SPPL2C: variants seen among roughly 807,000 people sequenced by gnomAD.
The protein encoded by SPPL2C is signal peptide peptidase like 2C.
A neutral mutation model predicts 38.8 loss-of-function variants in SPPL2C; 33 were observed. That is an observed-to-expected ratio of 0.85 (90% CI 0.64 to 1.14). The LOEUF is 1.14. Ranked by LOEUF, SPPL2C falls within the 50% of genes most tolerant of loss-of-function variation. The pLI is 0.00. For synonymous variants in SPPL2C, 384 were observed against 390.7 expected (o/e 0.98, Z 0.20); for missense variants, 899 against 904.4 (o/e 0.99, Z 0.08).
Position 45,846,129 on chromosome 17 carries a change from C to A in SPPL2C, c.1223C>A (p.Ala408Asp). 6.2e-7 allele frequency: 1 copy of A among 1,614,190 alleles called. No homozygotes were observed. The highest frequency in any genetic ancestry group is 8.5e-7 in the Non-Finnish European group (1 of 1,180,038). ...KTGESIMAQV[A>D]LGPAESSSHE... ...GGTGAGAGCATCATGGCGCAGGTTG[C>A]CTTGGGCCCTGCAGAGTCTTCAAGC... Residue 408 changes from alanine (A) to aspartate (D), a missense_variant, in exon 1 of 1, where the codon GCC becomes GAC. Physicochemically the swap from Ala to Asp is moderately radical, Grantham distance 126. Transcript: ENST00000329196.
In SPPL2C at chr17:45,846,705, G is replaced by A. The variant is rs748111980; in HGVS notation, c.1799G>A (p.Ser600Asn). 6 of 1,614,236 alleles carry A rather than the reference G, an allele frequency of 3.7e-6. No individual in the cohort carries two copies. The East Asian group carries it at 1.3e-4, about 36-fold the overall frequency. ...EATNPEDRSD[S>N]SEGWSDAHLD... ...ACCAATCCAGAGGACCGCAGTGATAGCTCCGAGGGCTGGAGTGACGCCCAC... is the reference window on the plus strand; with the variant it reads ...ACCAATCCAGAGGACCGCAGTGATAACTCCGAGGGCTGGAGTGACGCCCAC... Residue 600 changes from serine (S) to asparagine (N), a missense_variant, in exon 1 of 1, where the codon AGC becomes AAC. Transcript: ENST00000329196.
chr17:45,845,992 C>T lies in SPPL2C; in HGVS notation c.1086C>T (p.Phe362=), dbSNP rs781558369. 4.2e-5 allele frequency: 67 copies of T among 1,613,112 alleles called. 1 individual carries two copies. In the Middle Eastern group the frequency reaches 4.9e-4, roughly 12 times the overall value. Residue 362 remains phenylalanine, a synonymous_variant, in exon 1 of 1, where the codon TTC becomes TTT. Transcript: ENST00000329196. ...CACTGGGCATTTCCTACTGCCTGTTCGTCCTGCACCGTGTGCGGCTGCCCA... is the reference window on the plus strand; with the variant it reads ...CACTGGGCATTTCCTACTGCCTGTTTGTCCTGCACCGTGTGCGGCTGCCCA... ...QDTLGISYCL[F]VLHRVRLPTL...
chr17:45,845,548 G>C lies in SPPL2C; in HGVS notation c.642G>C (p.Gln214His). 1 of 1,600,962 alleles carries C rather than the reference G, an allele frequency of 6.2e-7. No homozygotes were observed. The highest frequency in any genetic ancestry group is 2.2e-5 in the East Asian group (1 of 44,718). Reference sequence around the variant, plus strand: ...GCCTGACCGAAGCCAACCGGCTACAGCGGCGCCGTGCCCGAAGAGGAGGGG... The same window carrying C: ...GCCTGACCGAAGCCAACCGGCTACACCGGCGCCGTGCCCGAAGAGGAGGGG... The part of the protein sequence containing the change: ...WAGLTEANRL[Q>H]RRRARRGGGS... Residue 214 changes from glutamine (Q) to histidine (H), a missense_variant, in exon 1 of 1, where the codon CAG (glutamine) becomes CAC (histidine). Coordinates refer to ENST00000329196, the MANE Select transcript of SPPL2C (RefSeq NM_175882.3).
In SPPL2C at chr17:45,845,541, G is replaced by T; in HGVS notation, c.635G>T (p.Arg212Leu). Residue 212 changes from arginine (R) to leucine (L), a missense_variant, in exon 1 of 1, where the codon CGG (arginine) becomes CTG (leucine). Transcript: ENST00000329196. Reference protein sequence around the residue: ...GYWAGLTEANRLQRRRARRGG... With the variant: ...GYWAGLTEANLLQRRRARRGG... Reference sequence around the variant, plus strand: ...TGGGCCGGCCTGACCGAAGCCAACCGGCTACAGCGGCGCCGTGCCCGAAGA... The same window carrying T: ...TGGGCCGGCCTGACCGAAGCCAACCTGCTACAGCGGCGCCGTGCCCGAAGA... The T allele has an allele frequency of 6.2e-7, 1 of 1,600,088 alleles. No individual in the cohort carries two copies. Among genetic ancestry groups the T allele is most frequent in the Non-Finnish European group, 8.5e-7 (1 of 1,174,324 alleles).
In SPPL2C at chr17:45,847,030, C is replaced by A; in HGVS notation, c.*69C>A. The A allele has an allele frequency of 1.4e-6, 2 of 1,450,014 alleles. No individual in the cohort carries two copies. Among genetic ancestry groups the A allele is most frequent in the Non-Finnish European group, 1.8e-6 (2 of 1,087,368 alleles). 89.8% of individuals were successfully genotyped at this position (1,450,014 alleles called of 1,614,324 possible). A position where few individuals can be genotyped will look rare whatever the true frequency, so the allele number is the denominator to read the frequency against. ...CATTGCAGAGCAAAGCCATGCATGG[C>A]AACAAGAAATCAGGGTATCAAAGAG... On this transcript the variant is annotated 3_prime_UTR_variant, in exon 1 of 1. Transcript: ENST00000329196.
Position 45,846,604 on chromosome 17 carries a change from C to A in SPPL2C, c.1698C>A (p.Ser566Arg). Residue 566 changes from serine to arginine, a missense_variant, in exon 1 of 1, where the codon AGC becomes AGA. By Grantham distance (110) the Ser-to-Arg change is moderately radical. Transcript: ENST00000329196. ...CCAGCACACTTGAGAGAGGCACCAG[C>A]CGAGGAGCAGGGGACTTAGACAGCA... is the stretch of plus-strand genomic sequence containing the variant. ...HTASTLERGT[S>R]RGAGDLDSNP... 1 of 1,614,102 alleles carries A rather than the reference C, an allele frequency of 6.2e-7. No homozygotes were observed. The highest frequency in any genetic ancestry group is 1.1e-5 in the South Asian group (1 of 91,090).
rs2062528419 is a variant in SPPL2C at position 45,845,390 on chromosome 17, C to T, written c.484C>T (p.Leu162Phe). Residue 162 changes from leucine to phenylalanine, a missense_variant, in exon 1 of 1, where the codon CTC (leucine) becomes TTC (phenylalanine). Leu to Phe is a conservative substitution (Grantham distance 22). Coordinates refer to ENST00000329196, the MANE Select transcript of SPPL2C (RefSeq NM_175882.3). ...CCACTATGCTGACATGCTGGACATC[C>T]TCAGCCACACTCGTGGGGAGGCCGT... ...MLHYADMLDI[L>F]SHTRGEAVVR... The T allele has an allele frequency of 1.2e-6, 2 of 1,613,530 alleles. No homozygotes were observed. The highest frequency in any genetic ancestry group is 2.2e-5 in the South Asian group (2 of 91,092).
Position 45,846,682 on chromosome 17 carries a change from C to T in SPPL2C, c.1776C>T (p.Thr592=). The T allele has an allele frequency of 6.2e-7, 1 of 1,614,232 alleles. No individual in the cohort carries two copies. ...EIVTISENEA[T]NPEDRSDSSE... is the part of the protein sequence containing the mutation. ...TCACCATATCTGAGAATGAAGCCAC[C>T]AATCCAGAGGACCGCAGTGATAGCT... Residue 592 remains threonine (T), a synonymous_variant, in exon 1 of 1, where the codon ACC becomes ACT. Transcript: ENST00000329196.
rs781558369 is a variant in SPPL2C, at chr17:45,845,992, C to G, written c.1086C>G (p.Phe362Leu). ...QDTLGISYCL[F>L]VLHRVRLPTL... ...CACTGGGCATTTCCTACTGCCTGTT[C>G]GTCCTGCACCGTGTGCGGCTGCCCA... The change falls in exon 1 of 1, where the codon TTC becomes TTG. Residue 362 changes from phenylalanine (F) to leucine (L), a missense_variant. By Grantham distance (22) the Phe-to-Leu change is conservative (BLOSUM62 0). Coordinates refer to ENST00000329196, the MANE Select transcript of SPPL2C (RefSeq NM_175882.3). 1.9e-6 allele frequency: 3 copies of G among 1,613,230 alleles called. No homozygotes were observed. The highest frequency in any genetic ancestry group is 2.2e-5 in the East Asian group (1 of 44,884).
rs185853204 is a variant in SPPL2C at position 45,845,509 on chromosome 17, C to T, written c.603C>T (p.Gly201=). 1.2e-3 allele frequency: 1,991 copies of T among 1,603,274 alleles called. 27 individuals are homozygous for T. In the African/African-American group the frequency reaches 0.021, roughly 17 times the overall value. The change falls in exon 1 of 1, where the codon GGC becomes GGT. Residue 201 remains glycine, a synonymous_variant. Coordinates refer to ENST00000329196, the MANE Select transcript of SPPL2C (RefSeq NM_175882.3). The part of the protein sequence containing the change: ...FILAVGTVAA[G]GYWAGLTEAN... The stretch of plus-strand genomic sequence containing the variant: ...TGGCTGTGGGCACAGTGGCTGCAGG[C>T]GGCTACTGGGCCGGCCTGACCGAAG...
rs375950338 is a variant in SPPL2C, at chr17:45,846,332, T to A, written c.1426T>A (p.Cys476Ser). The A allele has an allele frequency of 1.9e-6, 3 of 1,613,998 alleles. No individual in the cohort carries two copies. In the African/African-American group the frequency reaches 4.0e-5, roughly 22 times the overall value. Residue 476 changes from cysteine to serine, a missense_variant, in exon 1 of 1, where the codon TGC (cysteine) becomes AGC (serine). By Grantham distance (112) the Cys-to-Ser change is moderately radical. Transcript: ENST00000329196. ...CTCCCGTCAGATCTACTTCGTGGCC[T>A]GCACCGTGGCCTATGCTGTGGGCCT... Reference protein sequence around the residue: ...VCSRQIYFVACTVAYAVGLLV... With the variant: ...VCSRQIYFVASTVAYAVGLLV...
rs150496239 is a variant in SPPL2C at position 45,844,960 on chromosome 17, C to T, written c.54C>T (p.Thr18=). 20 of 1,613,892 alleles carry T rather than the reference C, an allele frequency of 1.2e-5. No individual in the cohort carries two copies. Among genetic ancestry groups the T allele is most frequent in the Admixed American group, 5.0e-5 (3 of 59,998 alleles). The part of the protein sequence containing the change: ...LPVGFLLLIS[T]VAGGKYGVAH... ...TGGGCTTCCTCCTCCTCATCAGCACCGTGGCCGGGGGAAAGTACGGCGTGG... is the reference window on the plus strand; with the variant it reads ...TGGGCTTCCTCCTCCTCATCAGCACTGTGGCCGGGGGAAAGTACGGCGTGG... The change falls in exon 1 of 1, where the codon ACC becomes ACT. Residue 18 remains threonine, a synonymous_variant. Coordinates refer to ENST00000329196, the MANE Select transcript of SPPL2C (RefSeq NM_175882.3).
rs1482917405 is a variant in SPPL2C at position 45,845,524 on chromosome 17, C to A, written c.618C>A (p.Gly206=). 1 of 1,601,314 alleles carries A rather than the reference C, an allele frequency of 6.2e-7. No homozygotes were observed. The highest frequency in any genetic ancestry group is 8.5e-7 in the Non-Finnish European group (1 of 1,175,634). Residue 206 remains glycine (G), a synonymous_variant, in exon 1 of 1, where the codon GGC becomes GGA. Coordinates refer to ENST00000329196, the MANE Select transcript of SPPL2C (RefSeq NM_175882.3). ...TGGCTGCAGGCGGCTACTGGGCCGG[C>A]CTGACCGAAGCCAACCGGCTACAGC... ...GTVAAGGYWA[G]LTEANRLQRR... is the part of the protein sequence containing the mutation.
Position 45,845,068 on chromosome 17 carries a change from C to G in SPPL2C, c.162C>G (p.His54Gln). The G allele has an allele frequency of 1.2e-6, 2 of 1,614,136 alleles. No homozygotes were observed. Among genetic ancestry groups the G allele is most frequent in the Non-Finnish European group, 1.7e-6 (2 of 1,179,978 alleles). ...ACATCACCCTCCCCCGGGACCTGCA[C>G]CACGCCCCACTCCTGCCCCTGTATG... Reference protein sequence around the residue: ...SDYITLPRDLHHAPLLPLYDG... With the variant: ...SDYITLPRDLQHAPLLPLYDG... Residue 54 changes from histidine to glutamine, a missense_variant, in exon 1 of 1, where the codon CAC (histidine) becomes CAG (glutamine). Coordinates refer to ENST00000329196, the MANE Select transcript of SPPL2C (RefSeq NM_175882.3).
rs2062520206 is a variant in SPPL2C, at chr17:45,844,882, G to C, written c.-25G>C. 1 of 1,576,332 alleles carries C rather than the reference G, an allele frequency of 6.3e-7. No individual in the cohort carries two copies. The highest frequency in any genetic ancestry group is 1.7e-5 in the Admixed American group (1 of 58,134). On this transcript the variant is annotated 5_prime_UTR_variant, in exon 1 of 1. Coordinates refer to ENST00000329196, the MANE Select transcript of SPPL2C (RefSeq NM_175882.3). The stretch of plus-strand genomic sequence containing the variant: ...GAGGGGTATTGGGCTGCCGCCCGCA[G>C]ATGTTGCAGTAGGAACTGAAGAAGA...
Position 45,845,220 on chromosome 17 carries a change from C to T in SPPL2C, c.314C>T (p.Thr105Met), listed in dbSNP as rs139470538. The stretch of plus-strand genomic sequence containing the variant: ...ATGAGGGGTAACTGCAGCTTCCACA[C>T]GAAAGGCTGGCTGGCTCAGGGCCAA... ...MVMRGNCSFH[T>M]KGWLAQGQGA... Residue 105 changes from threonine (T) to methionine (M), a missense_variant, in exon 1 of 1, where the codon ACG (threonine) becomes ATG (methionine). Coordinates refer to ENST00000329196, the MANE Select transcript of SPPL2C (RefSeq NM_175882.3). 857 of 1,613,848 alleles carry T rather than the reference C, an allele frequency of 5.3e-4. No homozygotes were observed. The highest frequency in any genetic ancestry group is 6.7e-4 in the Non-Finnish European group (792 of 1,179,894).
At position 45,846,188 on chromosome 17, in the gene SPPL2C, C is replaced by A. The variant is rs781048544; in HGVS notation, c.1282C>A (p.Arg428=). ...ERLPMVLKVP[R]LRVSALTLCS... ...GCTGCCCATGGTACTCAAAGTGCCCCGGCTAAGAGTCTCCGCCTTGACCCT... is the reference window on the plus strand; with the variant it reads ...GCTGCCCATGGTACTCAAAGTGCCCAGGCTAAGAGTCTCCGCCTTGACCCT... Residue 428 remains arginine (R), a synonymous_variant, in exon 1 of 1, where the codon CGG becomes AGG. Transcript: ENST00000329196. 6.2e-7 allele frequency: 1 copy of A among 1,614,210 alleles called. No homozygotes were observed. Among genetic ancestry groups the A allele is most frequent in the South Asian group, 1.1e-5 (1 of 91,082 alleles).
Position 45,845,801 on chromosome 17 carries a change from C to T in SPPL2C, c.895C>T (p.Pro299Ser), listed in dbSNP as rs1568085357. 4 of 1,609,470 alleles carry T rather than the reference C, an allele frequency of 2.5e-6. No homozygotes were observed. The African/African-American group carries it at 4.0e-5, about 16-fold the overall frequency. The change falls in exon 1 of 1, where the codon CCC becomes TCC. Residue 299 changes from proline (P) to serine (S), a missense_variant. Physicochemically the swap from Pro to Ser is moderately conservative, Grantham distance 74 (BLOSUM62 -1). Coordinates refer to ENST00000329196, the MANE Select transcript of SPPL2C (RefSeq NM_175882.3). ...AGIGLYSCLSPLVCRLSLRQY... is the reference protein window; with the variant it reads ...AGIGLYSCLSSLVCRLSLRQY... ...CATTGGCCTCTACAGCTGCCTGTCACCCCTGGTGTGCCGCCTGTCCCTGCG... is the reference window on the plus strand; with the variant it reads ...CATTGGCCTCTACAGCTGCCTGTCATCCCTGGTGTGCCGCCTGTCCCTGCG...
rs754119987 is a variant in SPPL2C, at chr17:45,844,978, C to T, written c.72C>T (p.Tyr24=). 13 of 1,613,976 alleles carry T rather than the reference C, an allele frequency of 8.1e-6. No individual in the cohort carries two copies. Among genetic ancestry groups the T allele is most frequent in the South Asian group, 3.3e-5 (3 of 91,082 alleles). Residue 24 remains tyrosine, a synonymous_variant, in exon 1 of 1, where the codon TAC becomes TAT. Transcript: ENST00000329196. ...TCAGCACCGTGGCCGGGGGAAAGTA[C>T]GGCGTGGCCCACGTGGTGTCGGAGA... ...LLISTVAGGK[Y]GVAHVVSENW... is the part of the protein sequence containing the mutation.
Sources: allele counts gnomAD v4.1 joint callset, GRCh38; gene constraint gnomAD v4.1.1; transcripts MANE v1.5; gene names NCBI Gene and HGNC (gene_info 2026-07-23, HGNC 2026-07-21).